Variants in NAA10 observed in about 807,000 individuals in gnomAD.
NAA10 encodes the protein N-alpha-acetyltransferase 10.
A neutral mutation model predicts 19.2 loss-of-function variants in NAA10; 6 were observed. That is an observed-to-expected ratio of 0.31 (90% CI 0.17 to 0.62). NAA10 has a LOEUF of 0.62. NAA10 is among the 20% of genes least tolerant of loss of function. The pLI is 0.83. For synonymous variants in NAA10, 97 were observed against 79.9 expected (o/e 1.21, Z -1.14); for missense variants, 101 against 198.4 (o/e 0.51, Z 2.95).
intron 6 of NAA10, 186 bp from the exon 7 acceptor site, chrX:153,931,033 C>T (rs1461787659): frequency 8.7e-6 from 10 of 1,150,522 alleles, no homozygotes; most frequent in African/African-American, 1.8e-5. Context: ...GACACAGCGG[C>T]CCGCCCCACC....
intron 1 of NAA10, 45 bp downstream of exon 1, chrX:153,934,839 C>T (rs2065188322): frequency 4.1e-6 from 4 of 984,873 alleles, no homozygotes; most frequent in Non-Finnish European, 5.2e-6. Context: ...GCCACCCGGC[C>T]CGGCGCCCAC....
At position 153,930,811 on chromosome X, in the gene NAA10, C is replaced by A. The variant is rs2065162434; in HGVS notation, c.423G>T (p.Gly141=). The A allele has an allele frequency of 8.3e-7, 1 of 1,211,990 alleles. No homozygotes were observed. Among genetic ancestry groups the A allele is most frequent in the East Asian group, 3.0e-5 (1 of 33,855 alleles). Residue 141 remains glycine (G), a synonymous_variant, in exon 7 of 8, where the codon GGG becomes GGT. Transcript: ENST00000464845. ...SEVEPKYYAD[G]EDAYAMKRDL... ...CCCGCTTCATGGCATAGGCGTCCTC[C>A]CCATCTGCATAGTATTTGGGCTCCA...
Position 153,934,914 on chromosome X carries a change from G to T in NAA10, c.-10C>A. ...CATTGCGGATGTTCATAACGGCGGC[G>T]GGGCTCGCGGGTCCCAGCGGATCGT... On this transcript the variant is annotated 5_prime_UTR_variant, in exon 1 of 8. Transcript: ENST00000464845. 1.0e-6 allele frequency: 1 copy of T among 1,004,890 alleles called. No individual in the cohort carries two copies. The highest frequency in any genetic ancestry group is 1.3e-6 in the Non-Finnish European group (1 of 786,561). The allele number at this position is 1,004,890 out of a possible 1,213,427, so 82.8% of individuals were successfully genotyped here. A position where few individuals can be genotyped will look rare whatever the true frequency, so the allele number is the denominator to read the frequency against.
chrX:153,933,742 C>T, intron 3 of NAA10: 1 of 412,833 alleles, frequency 2.4e-6, no homozygotes. Flanking sequence ...GTGGACCACA[C>T]AAATCCAACA....
chrX:153,934,140 C>T, intron 2 of NAA10, 139 bp from the exon 3 acceptor site: 1 of 615,377 alleles, frequency 1.6e-6, no homozygotes, highest in Non-Finnish European at 2.7e-6. Context: ...CCCCTCGCCA[C>T]ACTGTGCCCT....
Position 153,930,757 on chromosome X carries a change from G to A in NAA10, c.471+6C>T, listed in dbSNP as rs1557107263. 1 of 1,211,115 alleles carries A rather than the reference G, an allele frequency of 8.3e-7. No homozygotes were observed. The highest frequency in any genetic ancestry group is 1.8e-5 in the South Asian group (1 of 57,026). On this transcript the variant is annotated splice_donor_region_variant and intron_variant, in intron 7 of 7. Transcript: ENST00000464845. ...TCGCCTTGCTTGGCTTCATGCAGGCGCTTACCTCGTCGGCCATCTGAGTGA... is the reference window on the plus strand; with the variant it reads ...TCGCCTTGCTTGGCTTCATGCAGGCACTTACCTCGTCGGCCATCTGAGTGA...
intron 6 of NAA10, chrX:153,931,305 T>C (rs1451390603): frequency 4.6e-6 from 4 of 868,061 alleles, no homozygotes; most frequent in Non-Finnish European, 5.6e-6. Context: ...CTGGACTCAA[T>C]GGCCTAGGCT....
intron 3 of NAA10, chrX:153,932,891 A>C: frequency 2.9e-6 from 1 of 340,241 alleles, no homozygotes; most frequent in Admixed American, 4.8e-5. Flanking sequence ...TCTACAAAAA[A>C]AAAATCAAAA....
At position 153,933,873 on chromosome X, in the gene NAA10, A is replaced by AT. The variant is rs1387765272; in HGVS notation, c.179+69dup. The AT allele has an allele frequency of 9.4e-5, 89 of 942,455 alleles. No individual in the cohort carries two copies. In the South Asian group the frequency reaches 1.2e-3, roughly 12 times the overall value. 77.7% of individuals were successfully genotyped at this position (942,455 alleles called of 1,213,427 possible). A position where few individuals can be genotyped will look rare whatever the true frequency, so the allele number is the denominator to read the frequency against. On this transcript the variant is annotated intron_variant, in intron 3 of 7. Coordinates refer to ENST00000464845, the MANE Select transcript of NAA10 (RefSeq NM_003491.4). ...TGTACTGAAAAGAAGAAGCCTATTC[A>AT]TTTTTTTTAAAGCCCACAGAGGCAT... is the stretch of plus-strand genomic sequence containing the variant.
intron 6 of NAA10, chrX:153,931,859 G>A (rs1249477171): frequency 3.6e-6 from 4 of 1,111,773 alleles, no homozygotes; most frequent in African/African-American, 1.8e-5. Flanking sequence ...CATGGAGCAC[G>A]TTTCAGCAGG....
Position 153,929,630 on chromosome X carries a change from T to C in NAA10, c.*357A>G. 1 of 237,440 alleles carries C rather than the reference T, an allele frequency of 4.2e-6. No individual in the cohort carries two copies. Among genetic ancestry groups the C allele is most frequent in the South Asian group, 8.6e-5 (1 of 11,691 alleles). The allele number at this position is 237,440 out of a possible 1,213,427, so 19.6% of individuals were successfully genotyped here. A position where few individuals can be genotyped will look rare whatever the true frequency, so the allele number is the denominator to read the frequency against. On this transcript the variant is annotated 3_prime_UTR_variant, in exon 8 of 8. Transcript: ENST00000464845. The stretch of plus-strand genomic sequence containing the variant: ...GAAGAGAACTGAAGGCCACCAAGAG[T>C]GGGAGCCCTGCTGTTGAGCTTTGAG...
chrX:153,933,490 G>A (rs2065178622), intron 3 of NAA10, among the ~76,000 whole-genome samples: 1 of 111,756 alleles, frequency 8.9e-6, no homozygotes, highest in Non-Finnish European at 1.9e-5. Flanking sequence ...GGCCAACGTA[G>A]TGAAACCCCA....
rs781997850 is a variant in NAA10, at chrX:153,929,997, G to C, written c.698C>G (p.Ser233Ter). Reference sequence around the variant, plus strand: ...GGGATGGGGCAGGCTCTAGGAGGCTGAGTCGGAGGCCTCTGAGCTGTCCTT... The same window carrying C: ...GGGATGGGGCAGGCTCTAGGAGGCTCAGTCGGAGGCCTCTGAGCTGTCCTT... ...DVKDSSEASD[S>*]AS The change falls in exon 8 of 8, where the codon TCA becomes TGA. Residue 233 changes from serine to a stop codon, truncating the protein, a stop_gained. Coordinates refer to ENST00000464845, the MANE Select transcript of NAA10 (RefSeq NM_003491.4). LOFTEE classifies it high-confidence loss of function. 2.5e-6 allele frequency: 3 copies of C among 1,209,066 alleles called. No homozygotes were observed. Among genetic ancestry groups the C allele is most frequent in the Non-Finnish European group, 2.2e-6 (2 of 893,364 alleles).
rs782669521 is a variant in NAA10, at chrX:153,932,284, C to G, written c.341+32G>C. ...CCCCGTCAAGGCAGTATCTCTCCCC[C>G]TCAATCCCCCTTCCCTCAGCCCGGC... On this transcript the variant is annotated intron_variant, in intron 5 of 7. Coordinates refer to ENST00000464845, the MANE Select transcript of NAA10 (RefSeq NM_003491.4). 1.3e-4 allele frequency: 155 copies of G among 1,174,324 alleles called. No individual in the cohort carries two copies. The South Asian group carries it at 2.5e-3, about 19-fold the overall frequency.
chrX:153,932,270 C>T (rs782044715), intron 5 of NAA10, 46 bp downstream of exon 5: 35 of 1,154,557 alleles, frequency 3.0e-5, no homozygotes, highest in Non-Finnish European at 4.1e-5. Flanking sequence ...CCCGTCAAGG[C>T]AGTATCTCTC....
rs1320838646 is a variant in NAA10, at chrX:153,929,927, A to T, written c.*60T>A. The T allele has an allele frequency of 1.0e-6, 1 of 994,833 alleles. No individual in the cohort carries two copies. The highest frequency in any genetic ancestry group is 1.9e-5 in the African/African-American group (1 of 53,409). 82.0% of individuals were successfully genotyped at this position (994,833 alleles called of 1,213,427 possible). On this transcript the variant is annotated 3_prime_UTR_variant, in exon 8 of 8. Transcript: ENST00000464845. ...CGCGCGCTCACACACAAAGTTCCCCAGTGCCACGGAGCGAATTTATTGTGA... is the reference window on the plus strand; with the variant it reads ...CGCGCGCTCACACACAAAGTTCCCCTGTGCCACGGAGCGAATTTATTGTGA...
chrX:153,933,362 A>T (rs2065177571), intron 3 of NAA10, among the ~76,000 whole-genome samples: 2 of 112,583 alleles, frequency 1.8e-5, no homozygotes. Context: ...AATGTAAACT[A>T]TGGGTTTAGT....
intron 6 of NAA10, chrX:153,931,499 A>G (rs1427486541): frequency 2.5e-6 from 2 of 800,269 alleles, no homozygotes; most frequent in Non-Finnish European, 3.0e-6. Flanking sequence ...GTCCCTCCAC[A>G]GGCAGCCCAC....
chrX:153,932,649 C>A lies in NAA10; in HGVS notation c.180-65G>T, dbSNP rs1312378989. On this transcript the variant is annotated intron_variant, in intron 3 of 7. Transcript: ENST00000464845. ...GTAGGCACAGCCACCTCCAGCCCCC[C>A]TGCCATTTGTAGAGTGGACATGCAC... The A allele has an allele frequency of 4.8e-6, 5 of 1,045,590 alleles. No homozygotes were observed. The East Asian group carries it at 1.6e-4, about 34-fold the overall frequency. The allele number at this position is 1,045,590 out of a possible 1,213,427, so 86.2% of individuals were successfully genotyped here. A position where few individuals can be genotyped will look rare whatever the true frequency, so the allele number is the denominator to read the frequency against.
Sources: allele counts gnomAD v4.1 joint callset (sites outside exome capture counted in the v4.1 genomes callset), GRCh38; gene constraint gnomAD v4.1.1; transcripts MANE v1.5; gene names NCBI Gene and HGNC (gene_info 2026-07-23, HGNC 2026-07-21).